The following CFAP47 variants were observed in gnomAD, a reference collection of about 807,000 sequenced individuals.
CFAP47 encodes cilia and flagella associated protein 47.
Under a neutral mutation model 148.1 loss-of-function variants are expected in CFAP47, and 29 were observed. The ratio of observed to expected loss-of-function variants is 0.20; its 90% CI spans 0.15 to 0.27. The LOEUF (loss-of-function observed/expected upper bound fraction) is 0.27. Among genes scored for constraint, CFAP47 ranks in the 10% least tolerant of loss-of-function variants. The pLI is 1.00. For missense variants in CFAP47, 1,872 were observed against 1,697.5 expected (o/e 1.10, Z -1.81); for synonymous variants, 664 against 577.3 (o/e 1.15, Z -2.15).
chrX:36,013,142 C>A (rs1937058271), intron 21 of CFAP47, among the ~76,000 whole-genome samples: 1 of 111,680 alleles, frequency 9.0e-6, no homozygotes, highest in African/African-American at 3.3e-5. Flanking sequence ...TGAAGCCAAC[C>A]TTTTTAGTTT....
intron 26 of CFAP47, among the ~76,000 whole-genome samples, chrX:36,056,362 C>T (rs192904355): frequency 1.8e-5 from 2 of 111,845 alleles, no homozygotes; most frequent in East Asian, 2.8e-4. Flanking sequence ...TATTTATACT[C>T]GATAGAATTT....
At chrX:36,216,809 C>A (rs1377613380) in intron 45 of CFAP47, among the ~76,000 whole-genome samples, 5 of 110,614 alleles carry the variant, frequency 4.5e-5, no homozygotes, top group African/African-American at 1.7e-4. Context: ...TGGCTCCTGG[C>A]AGCTGATCCA....
intron 56 of CFAP47, among the ~76,000 whole-genome samples, chrX:36,317,631 G>C (rs1475153134): frequency 9.4e-6 from 1 of 106,453 alleles, no homozygotes; most frequent in East Asian, 3.0e-4. Flanking sequence ...TGTTAGCCAG[G>C]ATGGTCTCGA....
chrX:36,239,325 AGAAGT>A (rs1940512199), intron 48 of CFAP47, among the ~76,000 whole-genome samples: 1 of 112,518 alleles, frequency 8.9e-6, no homozygotes, highest in African/African-American at 3.2e-5. Context: ...AAATAATCTA[AGAAGT>A]ATATATTTAA....
At chrX:36,206,220 T>G (rs1259135766) in intron 45 of CFAP47, among the ~76,000 whole-genome samples, 1 of 112,143 alleles carries the variant, frequency 8.9e-6, no homozygotes, top group Non-Finnish European at 1.9e-5. Context: ...GCAATCAGTT[T>G]GAGACCCTTC....
chrX:36,366,418 G>A (rs181668252), intron 61 of CFAP47, among the ~76,000 whole-genome samples: 7 of 111,743 alleles, frequency 6.3e-5, no homozygotes, highest in African/African-American at 2.3e-4. Flanking sequence ...ATTCTGCAAG[G>A]TGTATGTGGT....
rs182359314 is a variant in CFAP47, at chrX:36,138,081, A to G, written c.5418+26A>G. On this transcript the variant is annotated intron_variant, in intron 34 of 63. Coordinates refer to ENST00000378653, the MANE Select transcript of CFAP47 (RefSeq NM_001304548.2). ...GTAAGAGTCGTTTTTATGCATAATGATCTTCTATTATTTAAAAAAACTTAG... is the reference window on the plus strand; with the variant it reads ...GTAAGAGTCGTTTTTATGCATAATGGTCTTCTATTATTTAAAAAAACTTAG... The G allele has an allele frequency of 1.6e-3, 974 of 609,608 alleles. 12 individuals are homozygous for G. In the African/African-American group the frequency reaches 0.02, roughly 13 times the overall value. The allele number at this position is 609,608 out of a possible 1,213,427, so 50.2% of individuals were successfully genotyped here.
intron 7 of CFAP47, among the ~76,000 whole-genome samples, chrX:35,955,035 C>G (rs1936223554): frequency 8.9e-6 from 1 of 112,199 alleles, no homozygotes; most frequent in Admixed American, 9.5e-5. Flanking sequence ...TTCACCCATT[C>G]ATTCACTCTT....
At chrX:36,002,137 G>A (rs1936922285) in intron 21 of CFAP47, among the ~76,000 whole-genome samples, 1 of 110,924 alleles carries the variant, frequency 9.0e-6, no homozygotes, top group African/African-American at 3.3e-5. Context: ...ACCCCTTGAT[G>A]TTTAGTGATT....
At chrX:35,976,521 A>T (rs1936572842) in intron 15 of CFAP47, among the ~76,000 whole-genome samples, 1 of 111,874 alleles carries the variant, frequency 8.9e-6, no homozygotes, top group Admixed American at 9.6e-5. Context: ...TACTGATTTA[A>T]GTGTTAATTA....
chrX:36,262,446 C>T (rs951548433), intron 49 of CFAP47, among the ~76,000 whole-genome samples: 3 of 111,725 alleles, frequency 2.7e-5, no homozygotes, highest in African/African-American at 6.5e-5. Context: ...ATTTTTAGAT[C>T]CACAAATAAG....
intron 23 of CFAP47, 73 bp from the exon 24 acceptor site, chrX:36,035,622 T>C: frequency 3.5e-6 from 1 of 287,871 alleles, no homozygotes; most frequent in Non-Finnish European, 6.1e-6. Flanking sequence ...CAAATTGAGA[T>C]GGTAATACAA....
At chrX:36,115,848 C>T (rs1309194983) in intron 33 of CFAP47, among the ~76,000 whole-genome samples, 1 of 111,665 alleles carries the variant, frequency 9.0e-6, no homozygotes, top group Non-Finnish European at 1.9e-5. Context: ...ACAGATATTT[C>T]AGAAGAATAA....
chrX:36,016,361 A>G (rs1323813286), intron 22 of CFAP47, among the ~76,000 whole-genome samples: 1 of 110,600 alleles, frequency 9.0e-6, no homozygotes, highest in South Asian at 3.9e-4. Flanking sequence ...CCATGAGTTC[A>G]ATCATTTTCA....
chrX:36,320,490 G>T (rs782080885), intron 57 of CFAP47, among the ~76,000 whole-genome samples: 9 of 111,787 alleles, frequency 8.1e-5, no homozygotes, highest in African/African-American at 2.9e-4. Context: ...TATTCTCACT[G>T]AATTATGGAG....
At chrX:35,965,105 C>A (rs756817608) in intron 8 of CFAP47, among the ~76,000 whole-genome samples, 2 of 111,066 alleles carry the variant, frequency 1.8e-5, no homozygotes, top group South Asian at 3.7e-4. Flanking sequence ...GAAATCATTG[C>A]ATTATTTATT....
At chrX:36,197,412 C>T (rs1159144878) in intron 42 of CFAP47, among the ~76,000 whole-genome samples, 3 of 112,393 alleles carry the variant, frequency 2.7e-5, no homozygotes, top group Non-Finnish European at 5.6e-5. Flanking sequence ...AATAACTCTA[C>T]ACTCAATGAG....
intron 63 of CFAP47, 137 bp from the exon 64 acceptor site, chrX:36,384,660 C>G: frequency 2.3e-6 from 1 of 444,263 alleles, no homozygotes; most frequent in African/African-American, 2.5e-5. Context: ...TTAATTGTCA[C>G]TCTAAGTGGT....
At chrX:36,039,784 G>A (rs1250778637) in intron 25 of CFAP47, among the ~76,000 whole-genome samples, 4 of 111,820 alleles carry the variant, frequency 3.6e-5, no homozygotes, top group Non-Finnish European at 5.6e-5. Flanking sequence ...ACAACATGGT[G>A]TACAACTAAT....
Sources: gnomAD v4.1 joint callset for allele counts (sites outside exome capture counted in the v4.1 genomes callset) on GRCh38, gnomAD v4.1.1 for gene constraint, MANE v1.5 for transcripts, NCBI Gene and HGNC (gene_info 2026-07-23, HGNC 2026-07-21) for gene names.